HS6ST3: variants seen among roughly 807,000 people sequenced by gnomAD.
The protein encoded by HS6ST3 is heparan sulfate 6-O-sulfotransferase 3, also known as heparan-sulfate 6-O-sulfotransferase 3.
In HS6ST3, 12 loss-of-function variants were observed where a neutral mutation model predicts 36.7. The ratio of observed to expected loss-of-function variants is 0.33; its 90% CI spans 0.21 to 0.53. The LOEUF (loss-of-function observed/expected upper bound fraction) is 0.53, where lower values mean the gene tolerates loss of function less well. HS6ST3 is among the 20% of genes least tolerant of loss of function. The pLI is 0.95. For synonymous variants in HS6ST3, 240 were observed against 257.5 expected (o/e 0.93, Z 0.65); for missense variants, 584 against 640.9 (o/e 0.91, Z 0.96).
At chr13:96,463,900 C>G (rs1281348632) in intron 1 of HS6ST3, among the ~76,000 whole-genome samples, 1 of 151,898 alleles carries the variant, frequency 6.6e-6, no homozygotes, top group Non-Finnish European at 1.5e-5. Context: ...AGCTATCAAA[C>G]TAAAACGTGT....
intron 1 of HS6ST3, among the ~76,000 whole-genome samples, chr13:96,504,181 C>T (rs9300360): frequency 0.79 from 119,907 of 151,560 alleles, 49,175 homozygotes; most frequent in Non-Finnish European, 0.9. Flanking sequence ...CTGTTGTTCC[C>T]GGAGTACAGA....
intron 1 of HS6ST3, among the ~76,000 whole-genome samples, chr13:96,631,638 A>G (rs1198494429): frequency 4.6e-5 from 7 of 152,346 alleles, no homozygotes; most frequent in South Asian, 2.1e-4. Flanking sequence ...TATCCCAGAC[A>G]TGTTGCAAAA....
intron 1 of HS6ST3, among the ~76,000 whole-genome samples, chr13:96,589,431 C>T (rs990791830): frequency 3.3e-5 from 5 of 151,758 alleles, no homozygotes; most frequent in Admixed American, 6.6e-5. Context: ...TTTCTGTTGT[C>T]TTATTACAGC....
intron 1 of HS6ST3, among the ~76,000 whole-genome samples, chr13:96,558,413 A>G (rs189777653): frequency 8.2e-4 from 125 of 152,336 alleles, no homozygotes; most frequent in Non-Finnish European, 1.6e-3. Context: ...AGTTTCAGAG[A>G]GATTTACTAA....
At chr13:96,587,265 T>G (rs2056365282) in intron 1 of HS6ST3, among the ~76,000 whole-genome samples, 1 of 152,150 alleles carries the variant, frequency 6.6e-6, no homozygotes, top group African/African-American at 2.4e-5. Context: ...TGCTCAACAT[T>G]TCTTTGGTTA....
chr13:96,383,892 T>C (rs1408374891), intron 1 of HS6ST3, among the ~76,000 whole-genome samples: 2 of 152,018 alleles, frequency 1.3e-5, no homozygotes, highest in African/African-American at 4.8e-5. Context: ...GGCAGACAAA[T>C]ACAACCTAAG....
At chr13:96,751,898 T>C (rs1487400178) in intron 1 of HS6ST3, among the ~76,000 whole-genome samples, 1 of 150,808 alleles carries the variant, frequency 6.6e-6, no homozygotes, top group Non-Finnish European at 1.5e-5. Flanking sequence ...ATATATAAAC[T>C]ATATATATAA....
intron 1 of HS6ST3, among the ~76,000 whole-genome samples, chr13:96,534,954 C>T (rs775830987): frequency 6.6e-6 from 1 of 151,542 alleles, no homozygotes; most frequent in East Asian, 2.0e-4. Context: ...AGCAAGACTC[C>T]GTCTGAAAAA....
At chr13:96,625,840 CTT>C (rs879864974) in intron 1 of HS6ST3, among the ~76,000 whole-genome samples, 19 of 141,642 alleles carry the variant, frequency 1.3e-4, no homozygotes, top group Non-Finnish European at 1.4e-4. Context: ...AATTCTTCTT[CTT>C]TTTTTTTTTT....
In HS6ST3 at chr13:96,821,319, C is replaced by A. The variant is rs1878529918; in HGVS notation, c.708-11171C>A. On this transcript the variant is annotated intron_variant, in intron 1 of 1. Coordinates refer to ENST00000376705, the MANE Select transcript of HS6ST3 (RefSeq NM_153456.4). Reference sequence around the variant, plus strand: ...CCTGCAGGTAGAAACAAATCCCTCACCCTGTGATGTTCATTTTGCATCTAG... The same window carrying A: ...CCTGCAGGTAGAAACAAATCCCTCAACCTGTGATGTTCATTTTGCATCTAG... Among the ~76,000 whole-genome samples the A allele has an allele frequency of 5.3e-5, 8 of 152,194 alleles. No homozygotes were observed. The South Asian group carries it at 1.7e-3, about 31-fold the overall frequency.
At chr13:96,110,694 G>A (rs1304724633) in intron 1 of HS6ST3, among the ~76,000 whole-genome samples, 1 of 152,150 alleles carries the variant, frequency 6.6e-6, no homozygotes, top group African/African-American at 2.4e-5. Context: ...AAAGTGTTGG[G>A]ATTACAGGCG....
chr13:96,497,782 T>C (rs778094157), intron 1 of HS6ST3, among the ~76,000 whole-genome samples: 1 of 152,200 alleles, frequency 6.6e-6, no homozygotes, highest in Non-Finnish European at 1.5e-5. Flanking sequence ...ATCATGTTGC[T>C]TCCTCTAATG....
At chr13:96,800,430 C>T (rs9516757) in intron 1 of HS6ST3, among the ~76,000 whole-genome samples, 13,149 of 151,954 alleles carry the variant, frequency 0.087, 696 homozygotes, top group East Asian at 0.26. Flanking sequence ...AGTTGTTCAT[C>T]GGAGCAGTGC....
chr13:96,347,021 C>A (rs918305215), intron 1 of HS6ST3, among the ~76,000 whole-genome samples: 3 of 152,076 alleles, frequency 2.0e-5, no homozygotes, highest in Non-Finnish European at 4.4e-5. Flanking sequence ...GAAGCCGAAT[C>A]CTGCAAATAA....
intron 1 of HS6ST3, among the ~76,000 whole-genome samples, chr13:96,694,063 T>G (rs187010620): frequency 6.6e-6 from 1 of 152,296 alleles, no homozygotes; most frequent in Non-Finnish European, 1.5e-5. Flanking sequence ...GCAGATTCAT[T>G]ATAGAGGTAA....
intron 1 of HS6ST3, among the ~76,000 whole-genome samples, chr13:96,475,340 A>T (rs2055858174): frequency 6.6e-6 from 1 of 152,180 alleles, no homozygotes. Context: ...AACGGGGATG[A>T]CAGGAAGCTG....
At chr13:96,544,884 C>G (rs2056191481) in intron 1 of HS6ST3, among the ~76,000 whole-genome samples, 3 of 152,076 alleles carry the variant, frequency 2.0e-5, no homozygotes, top group African/African-American at 4.8e-5. Context: ...TAAAAATGAG[C>G]CTCATTAAGA....
chr13:96,309,391 A>G (rs1032173080), intron 1 of HS6ST3, among the ~76,000 whole-genome samples: 1 of 152,156 alleles, frequency 6.6e-6, no homozygotes, highest in African/African-American at 2.4e-5. Flanking sequence ...ATTTAAATGT[A>G]ACATTTTAGG....
chr13:96,512,270 A>G (rs978082414), intron 1 of HS6ST3, among the ~76,000 whole-genome samples: 1 of 152,110 alleles, frequency 6.6e-6, no homozygotes, highest in Non-Finnish European at 1.5e-5. Context: ...CCAGTACCAT[A>G]TTGTATTTGT....
Sources: allele counts gnomAD v4.1 joint callset (sites outside exome capture counted in the v4.1 genomes callset), GRCh38; gene constraint gnomAD v4.1.1; transcripts MANE v1.5; gene names NCBI Gene and HGNC (gene_info 2026-07-23, HGNC 2026-07-21).